XDH: variants seen among roughly 807,000 people sequenced by gnomAD.
XDH encodes the protein xanthine dehydrogenase.
XDH carries 138 observed loss-of-function variants against 156.1 expected under a neutral mutation model. The ratio of observed to expected loss-of-function variants is 0.88; its 90% CI spans 0.77 to 1.02. The LOEUF (loss-of-function observed/expected upper bound fraction) is 1.02. Among genes scored for constraint, XDH ranks in the 50% least tolerant of loss-of-function variants. XDH has a pLI of 0.00. For synonymous variants in XDH, 669 were observed against 625.7 expected (o/e 1.07, Z -1.03); for missense variants, 1,849 against 1,684.9 (o/e 1.10, Z -1.71).
At chr2:31,348,175 G>A (rs969462178) in intron 28 of XDH, 93 bp downstream of exon 28, 42 of 1,296,440 alleles carry the variant, frequency 3.2e-5, no homozygotes, top group African/African-American at 2.6e-4. Context: ...GCCAGACCCC[G>A]GGCCTGCTTC....
intron 24 of XDH, among the ~76,000 whole-genome samples, chr2:31,354,202 T>A (rs1045433239): frequency 2.0e-5 from 3 of 152,190 alleles, no homozygotes; most frequent in African/African-American, 7.2e-5. Flanking sequence ...AGATCAAGAT[T>A]TCTACCTCTA....
At chr2:31,342,095 A>C in intron 32 of XDH, 88 bp downstream of exon 32, 3 of 1,231,324 alleles carry the variant, frequency 2.4e-6, no homozygotes, top group East Asian at 2.4e-5. Flanking sequence ...TCCAACCAGA[A>C]ATCTTGTCTC....
intron 3 of XDH, among the ~76,000 whole-genome samples, chr2:31,401,945 A>G (rs894046923): frequency 2.0e-5 from 3 of 152,246 alleles, no homozygotes; most frequent in African/African-American, 7.2e-5. Context: ...ATAAAGATGA[A>G]TAAGATGAAA....
At chr2:31,396,952 G>A (rs1054497286) in intron 6 of XDH, among the ~76,000 whole-genome samples, 1 of 152,172 alleles carries the variant, frequency 6.6e-6, no homozygotes, top group Non-Finnish European at 1.5e-5. Context: ...ACAGGAGTCT[G>A]TAACTCCCCT....
chr2:31,370,316 T>C lies in XDH; in HGVS notation c.1980+39A>G, dbSNP rs200643597. The stretch of plus-strand genomic sequence containing the variant: ...TGTACACAAATTAAAACTTCAATAC[T>C]TATTCAATTTACTTCATATAAAAAA... On this transcript the variant is annotated intron_variant, in intron 18 of 35. Coordinates refer to ENST00000379416, the MANE Select transcript of XDH (RefSeq NM_000379.4). The C allele has an allele frequency of 3.5e-4, 564 of 1,608,606 alleles. 1 individual carries two copies. The highest frequency in any genetic ancestry group is 6.6e-4 in the Middle Eastern group (4 of 6,020).
chr2:31,378,162 G>GGAAA (rs1206297594), intron 13 of XDH, among the ~76,000 whole-genome samples: 6 of 112,316 alleles, frequency 5.3e-5, no homozygotes, highest in African/African-American at 2.0e-4. Context: ...AAGGAAGGAA[G>GGAAA]GAAGGAAGGA....
At chr2:31,374,083 G>A (rs950477675) in intron 15 of XDH, 127 bp from the exon 16 acceptor site, 13 of 978,114 alleles carry the variant, frequency 1.3e-5, no homozygotes, top group Non-Finnish European at 2.0e-5. Flanking sequence ...ACGCCTTTGA[G>A]TGCTGGCTGG....
chr2:31,382,305 TTA>T, intron 11 of XDH, among the ~76,000 whole-genome samples: 1 of 152,234 alleles, frequency 6.6e-6, no homozygotes, highest in East Asian at 1.9e-4. Context: ...TATCTACAGT[TTA>T]TGTTTCCTTA....
chr2:31,401,436 C>T (rs1370837672), intron 3 of XDH, 108 bp from the exon 4 acceptor site: 27 of 1,130,408 alleles, frequency 2.4e-5, no homozygotes, highest in East Asian at 7.7e-5. Flanking sequence ...TACGTCTCTC[C>T]GCTCCCATTT....
In XDH at chr2:31,377,292, A is replaced by G. The variant is rs1030941413; in HGVS notation, c.1243-55T>C. 2.8e-5 allele frequency: 45 copies of G among 1,603,814 alleles called. No homozygotes were observed. The African/African-American group carries it at 5.5e-4, about 20-fold the overall frequency. On this transcript the variant is annotated intron_variant, in intron 13 of 35. Coordinates refer to ENST00000379416, the MANE Select transcript of XDH (RefSeq NM_000379.4). ...CCACCTTGCTCTGTAGGGGCTGCAAATGGCAGACCCAAACCACAGGGCTAT... is the reference window on the plus strand; with the variant it reads ...CCACCTTGCTCTGTAGGGGCTGCAAGTGGCAGACCCAAACCACAGGGCTAT...
At chr2:31,349,436 C>CTTATCATAT (rs1685396325) in intron 26 of XDH, among the ~76,000 whole-genome samples, 1 of 152,006 alleles carries the variant, frequency 6.6e-6, no homozygotes, top group African/African-American at 2.4e-5. Context: ...TACGGTGTGC[C>CTTATCATAT]CAAAGGTTTA....
intron 24 of XDH, among the ~76,000 whole-genome samples, chr2:31,359,743 G>A (rs933854311): frequency 6.6e-6 from 1 of 152,210 alleles, no homozygotes. Context: ...TGTGCCCTGA[G>A]TTAGAGTTGG....
At chr2:31,387,019 GGAAGGAAGGAAGGAAGGA>G (rs1686625933) in intron 8 of XDH, among the ~76,000 whole-genome samples, 1 of 145,774 alleles carries the variant, frequency 6.9e-6, no homozygotes, top group Non-Finnish European at 1.5e-5. Context: ...AAGGAAGGAA[GGAAGGAAGGAAGGAAGGA>G]AGGAAGGAGT....
rs996648344 is a variant in XDH at position 31,335,078 on chromosome 2, C to T, written c.*880G>A. Reference sequence around the variant, plus strand: ...TAAAGACAGGAGCTCTCTATGTTGCCCAGGCTGGTCTCAAACTGCTGGGCT... The same window carrying T: ...TAAAGACAGGAGCTCTCTATGTTGCTCAGGCTGGTCTCAAACTGCTGGGCT... On this transcript the variant is annotated 3_prime_UTR_variant, in exon 36 of 36. Coordinates refer to ENST00000379416, the MANE Select transcript of XDH (RefSeq NM_000379.4). The T allele has an allele frequency of 6.6e-6, 1 of 152,078 alleles. No homozygotes were observed. Among genetic ancestry groups the T allele is most frequent in the Non-Finnish European group, 1.5e-5 (1 of 68,036 alleles). The allele number at this position is 152,078 out of a possible 1,614,324, so 9.4% of individuals were successfully genotyped here. A position where few individuals can be genotyped will look rare whatever the true frequency, so the allele number is the denominator to read the frequency against.
chr2:31,365,729 T>C (rs1432097545), intron 22 of XDH, among the ~76,000 whole-genome samples, 185 bp from the exon 23 acceptor site: 1 of 152,202 alleles, frequency 6.6e-6, no homozygotes, highest in Admixed American at 6.5e-5. Flanking sequence ...AAGCGAGGTA[T>C]GTGCTTTCAT....
In XDH at chr2:31,343,285, CATATATATATATATATAT is replaced by C. The variant is rs60481824; in HGVS notation, c.3405-1006_3405-989del. Among the ~76,000 whole-genome samples, 72 of 68,348 alleles carry C rather than the reference CATATATATATATATATAT, an allele frequency of 1.1e-3. 1 individual carries two copies. The highest frequency in any genetic ancestry group is 4.4e-3 in the African/African-American group (54 of 12,386). The allele number at this position is 68,348 out of a possible 152,430, so 44.8% of individuals were successfully genotyped here. ...AAGCATTGGCAAAACATTTCTTCAC[CATATATATATATATATAT>C]ATATATATATATATATATATATATG... On this transcript the variant is annotated intron_variant, in intron 31 of 35. Transcript: ENST00000379416.
chr2:31,355,413 T>C (rs1685597527), intron 24 of XDH, among the ~76,000 whole-genome samples: 1 of 152,024 alleles, frequency 6.6e-6, no homozygotes, highest in Admixed American at 6.6e-5. Context: ...TGTCTGATAG[T>C]TGAAACAAAA....
rs184424277 is a variant in XDH at position 31,403,067 on chromosome 2, G to A, written c.178C>T (p.Arg60Cys). 9.3e-6 allele frequency: 15 copies of A among 1,614,028 alleles called. No homozygotes were observed. Among genetic ancestry groups the A allele is most frequent in the East Asian group, 2.2e-5 (1 of 44,872 alleles). ...GGATACACGATCTTGTTCTGCAGACGATCATACTTGGAGAGCATCACTGTG... is the reference window on the plus strand; with the variant it reads ...GGATACACGATCTTGTTCTGCAGACAATCATACTTGGAGAGCATCACTGTG... ...ACTVMLSKYD[R>C]LQNKIVHFSA... is the part of the protein sequence containing the mutation. The change falls in exon 3 of 36, where the codon CGT (arginine) becomes TGT (cysteine). Residue 60 changes from arginine to cysteine, a missense_variant. Physicochemically the swap from Arg to Cys is radical, Grantham distance 180. Transcript: ENST00000379416.
chr2:31,370,538 C>T (rs1406283322), intron 17 of XDH, 60 bp from the exon 18 acceptor site: 1 of 1,605,880 alleles, frequency 6.2e-7, no homozygotes, highest in Non-Finnish European at 8.5e-7. Context: ...GACCCATCAC[C>T]TGGTTGGACA....
Sources: gnomAD v4.1 joint callset for allele counts (sites outside exome capture counted in the v4.1 genomes callset) on GRCh38, gnomAD v4.1.1 for gene constraint, MANE v1.5 for transcripts, NCBI Gene and HGNC (gene_info 2026-07-23, HGNC 2026-07-21) for gene names.